VNN1: variants seen among roughly 807,000 people sequenced by gnomAD.
The protein encoded by VNN1 is pantetheinase.
A neutral mutation model predicts 41.9 loss-of-function variants in VNN1; 29 were observed. That is an observed-to-expected ratio of 0.69 (90% confidence interval 0.52 to 0.94). The LOEUF is 0.94. Ranked by LOEUF, VNN1 falls within the 40% of genes least tolerant of loss-of-function variation. The pLI, the probability that VNN1 is intolerant of heterozygous loss-of-function variation, is 0.00. For synonymous variants in VNN1, 233 were observed against 224.4 expected (o/e 1.04, Z -0.34); for missense variants, 637 against 621.1 (o/e 1.03, Z -0.27).
intron 6 of VNN1, 98 bp from the exon 7 acceptor site, chr6:132,683,420 T>C (rs1488449838): frequency 7.9e-7 from 1 of 1,271,252 alleles, no homozygotes; most frequent in Non-Finnish European, 1.1e-6. Flanking sequence ...GAAACAAAAA[T>C]ACTGGCCAAA....
chr6:132,694,107 A>C lies in VNN1; in HGVS notation c.417T>G (p.Ile139Met). 1 of 1,614,152 alleles carries C rather than the reference A, an allele frequency of 6.2e-7. No individual in the cohort carries two copies. Among genetic ancestry groups the C allele is most frequent in the Non-Finnish European group, 8.5e-7 (1 of 1,179,994 alleles). Residue 139 changes from isoleucine (I) to methionine (M), a missense_variant, in exon 3 of 7, where the codon ATT becomes ATG. Coordinates refer to ENST00000367928, the MANE Select transcript of VNN1 (RefSeq NM_004666.3). ...KNNSIYVVANIGDKKPCDTSD... is the reference protein window; with the variant it reads ...KNNSIYVVANMGDKKPCDTSD... ...TGGTATCGCATGGCTTCTTGTCCCC[A>C]ATATTTGCCACAACATAGATAGAGT...
At chr6:132,698,332 A>G (rs1295935272) in intron 2 of VNN1, among the ~76,000 whole-genome samples, 1 of 152,252 alleles carries the variant, frequency 6.6e-6, no homozygotes, top group Non-Finnish European at 1.5e-5. Flanking sequence ...TAAAATCAGC[A>G]CATGTTAAAT....
In VNN1 at chr6:132,681,314, G is replaced by T. The variant is rs1778116634; in HGVS notation, c.*1826C>A. 6.6e-6 allele frequency among the ~76,000 whole-genome samples: 1 copy of T among 152,078 alleles called. No homozygotes were observed. Among genetic ancestry groups the T allele is most frequent in the Non-Finnish European group, 1.5e-5 (1 of 68,018 alleles). On this transcript the variant is annotated 3_prime_UTR_variant, in exon 7 of 7. Transcript: ENST00000367928. ...TTTTCTAGCATCCTAAAGAATGGAG[G>T]CCTGGCAACCGCCGTGAGTGAGCTG...
intron 5 of VNN1, among the ~76,000 whole-genome samples, chr6:132,691,786 C>T (rs910046539): frequency 4.6e-5 from 7 of 152,034 alleles, no homozygotes; most frequent in East Asian, 1.9e-4. Context: ...CACCTGAGCT[C>T]GGGGAGTTTG....
At chr6:132,711,080 G>A (rs574241996) in intron 2 of VNN1, among the ~76,000 whole-genome samples, 6 of 152,120 alleles carry the variant, frequency 3.9e-5, no homozygotes, top group South Asian at 2.1e-4. Flanking sequence ...GGCGTTGTGC[G>A]GTTTTGAGAA....
At position 132,692,314 on chromosome 6, in the gene VNN1, C is replaced by T. The variant is rs746082561; in HGVS notation, c.1097G>A (p.Ser366Asn). The T allele has an allele frequency of 1.2e-6, 2 of 1,614,182 alleles. No homozygotes were observed. Among genetic ancestry groups the T allele is most frequent in the Admixed American group, 3.3e-5 (2 of 60,028 alleles). ...TGGTATGTTCTCAGACATTTTGTAGCTTAAATGACAGCAGAGATCTTTCTG... is the reference window on the plus strand; with the variant it reads ...TGGTATGTTCTCAGACATTTTGTAGTTTAAATGACAGCAGAGATCTTTCTG... ...VCQKDLCCHL[S>N]YKMSENIPNE... The change falls in exon 5 of 7, where the codon AGC (serine) becomes AAC (asparagine). Residue 366 changes from serine (S) to asparagine (N), a missense_variant. Physicochemically the swap from Ser to Asn is conservative, Grantham distance 46 (BLOSUM62 1). Transcript: ENST00000367928.
chr6:132,694,017 T>C lies in VNN1; in HGVS notation c.507A>G (p.Gln169=), dbSNP rs1272319281. 1 of 1,614,068 alleles carries C rather than the reference T, an allele frequency of 6.2e-7. No individual in the cohort carries two copies. Among genetic ancestry groups the C allele is most frequent in the African/African-American group, 1.3e-5 (1 of 74,938 alleles). ...TATGGTAGCGTGCCACCAGTTTTCCTTGAGAATCAAATACCACATCAGTGT... is the reference window on the plus strand; with the variant it reads ...TATGGTAGCGTGCCACCAGTTTTCCCTGAGAATCAAATACCACATCAGTGT... The part of the protein sequence containing the change: ...QYNTDVVFDS[Q]GKLVARYHKQ... The change falls in exon 3 of 7, where the codon CAA becomes CAG. Residue 169 remains glutamine, a synonymous_variant. Coordinates refer to ENST00000367928, the MANE Select transcript of VNN1 (RefSeq NM_004666.3).
intron 2 of VNN1, among the ~76,000 whole-genome samples, chr6:132,697,687 T>A (rs1373857456): frequency 6.6e-6 from 1 of 151,660 alleles, no homozygotes; most frequent in East Asian, 1.9e-4. Context: ...CAAATTTGTA[T>A]AATGAATATA....
At chr6:132,702,477 T>C (rs1311266499) in intron 2 of VNN1, among the ~76,000 whole-genome samples, 3 of 152,196 alleles carry the variant, frequency 2.0e-5, no homozygotes, top group Non-Finnish European at 4.4e-5. Flanking sequence ...GTCCTAGTGC[T>C]GTACTGAGCT....
At chr6:132,692,003 CA>C (rs571783951) in intron 5 of VNN1, among the ~76,000 whole-genome samples, 3,464 of 85,958 alleles carry the variant, frequency 0.04, 94 homozygotes, top group African/African-American at 0.12. Context: ...GACTCTGTCT[CA>C]AAAAAAAAAA....
intron 2 of VNN1, among the ~76,000 whole-genome samples, chr6:132,707,472 A>G (rs1384243674): frequency 6.6e-6 from 1 of 152,228 alleles, no homozygotes; most frequent in Non-Finnish European, 1.5e-5. Flanking sequence ...AAATCAGTAT[A>G]TAGAAAAGAT....
chr6:132,700,647 G>A (rs866545423), intron 2 of VNN1, among the ~76,000 whole-genome samples: 2 of 152,170 alleles, frequency 1.3e-5, no homozygotes, highest in Non-Finnish European at 2.9e-5. Context: ...TGGGGAGGGT[G>A]GAGATGGGAA....
At chr6:132,708,433 AAATT>A (rs1778549901) in intron 2 of VNN1, among the ~76,000 whole-genome samples, 1 of 152,210 alleles carries the variant, frequency 6.6e-6, no homozygotes. Context: ...AATGCTAAAT[AAATT>A]AAATAAAAAA....
At chr6:132,709,551 A>G (rs921000279) in intron 2 of VNN1, among the ~76,000 whole-genome samples, 1 of 151,886 alleles carries the variant, frequency 6.6e-6, no homozygotes, top group African/African-American at 2.4e-5. Context: ...CACACTTGTC[A>G]TCTTCGGGAG....
At chr6:132,690,161 G>A (rs1049604261) in intron 5 of VNN1, among the ~76,000 whole-genome samples, 2 of 152,156 alleles carry the variant, frequency 1.3e-5, no homozygotes, top group Non-Finnish European at 1.5e-5. Context: ...ATCATCTACA[G>A]AGTAGTAAAA....
At chr6:132,712,134 C>G (rs1478972684) in intron 1 of VNN1, among the ~76,000 whole-genome samples, 1 of 147,580 alleles carries the variant, frequency 6.8e-6, no homozygotes, top group East Asian at 2.0e-4. Flanking sequence ...GGCTTCTAGT[C>G]AAGCATTTTT....
At chr6:132,705,658 G>A (rs1018813493) in intron 2 of VNN1, among the ~76,000 whole-genome samples, 2 of 152,066 alleles carry the variant, frequency 1.3e-5, no homozygotes, top group Non-Finnish European at 2.9e-5. Context: ...TAGTAGTGGA[G>A]GTTCTCACTA....
intron 5 of VNN1, among the ~76,000 whole-genome samples, chr6:132,690,376 C>T (rs1778265265): frequency 1.3e-5 from 2 of 152,190 alleles, no homozygotes; most frequent in African/African-American, 4.8e-5. Context: ...TGACCTGTTG[C>T]TGTTCCCTGC....
chr6:132,689,477 C>T (rs944944245), intron 5 of VNN1, among the ~76,000 whole-genome samples: 1 of 152,132 alleles, frequency 6.6e-6, no homozygotes, highest in Non-Finnish European at 1.5e-5. Flanking sequence ...AAATTATACT[C>T]AAAAATGCTA....
Sources: gnomAD v4.1 joint callset for allele counts (sites outside exome capture counted in the v4.1 genomes callset) on GRCh38, gnomAD v4.1.1 for gene constraint, MANE v1.5 for transcripts, NCBI Gene and HGNC (gene_info 2026-07-23, HGNC 2026-07-21) for gene names.